Variants in IL6R observed in about 807,000 individuals in gnomAD.
The protein encoded by IL6R is interleukin 6 receptor.
A neutral mutation model predicts 48.3 loss-of-function variants in IL6R; 38 were observed. The ratio of observed to expected loss-of-function variants is 0.79; its 90% CI spans 0.61 to 1.03. The LOEUF is 1.03. Among genes scored for constraint, IL6R ranks in the 50% least tolerant of loss-of-function variants. The probability of loss-of-function intolerance (pLI) is 0.00; values close to 1 mark genes in which losing one functional copy is unlikely to be tolerated. For synonymous variants in IL6R, 264 were observed against 256.2 expected (o/e 1.03, Z -0.29); for missense variants, 534 against 618.3 (o/e 0.86, Z 1.45).
intron 1 of IL6R, among the ~76,000 whole-genome samples, chr1:154,419,594 C>T (rs1038915759): frequency 1.3e-5 from 2 of 152,094 alleles, no homozygotes; most frequent in South Asian, 2.1e-4. Flanking sequence ...GCCTGGGCAG[C>T]GGGGACCTGC....
rs142983709 is a variant in IL6R at position 154,452,832 on chromosome 1, G to C, written c.1067-1656G>C. Among the ~76,000 whole-genome samples, 369 of 151,472 alleles carry C rather than the reference G, an allele frequency of 2.4e-3. 1 individual carries two copies. Among genetic ancestry groups the C allele is most frequent in the African/African-American group, 8.6e-3 (354 of 41,320 alleles). On this transcript the variant is annotated intron_variant, in intron 8 of 9. Transcript: ENST00000368485. ...TCTCAAAAAAAAAAAAAATTCATTTGTCTGTCTCCCTTGATTGGATGTAAG... is the reference window on the plus strand; with the variant it reads ...TCTCAAAAAAAAAAAAAATTCATTTCTCTGTCTCCCTTGATTGGATGTAAG...
chr1:154,449,973 C>G lies in IL6R; in HGVS notation c.1059C>G (p.Ser353Arg), dbSNP rs1208400376. 1 of 1,602,360 alleles carries G rather than the reference C, an allele frequency of 6.2e-7. No homozygotes were observed. The highest frequency in any genetic ancestry group is 8.6e-7 in the Non-Finnish European group (1 of 1,169,424). Residue 353 changes from serine to arginine, a missense_variant, in exon 8 of 10, where the codon AGC (serine) becomes AGG (arginine). Transcript: ENST00000368485. ...ILFRDSANAT[S>R]LPVQDSSSVP... The stretch of plus-strand genomic sequence containing the variant: ...TCAGAGATTCTGCAAATGCGACAAG[C>G]CTCCCAGGTAAGGACTGGGTATTTT...
rs551356770 is a variant in IL6R at position 154,460,865 on chromosome 1, A to G, written c.1161-4269A>G. On this transcript the variant is annotated intron_variant, in intron 9 of 9. Transcript: ENST00000368485. The stretch of plus-strand genomic sequence containing the variant: ...GTGTGGAGACGAGAGATTGTAATAA[A>G]TAAAGACACAAGACAAAGAGATAAA... 2.6e-5 allele frequency among the ~76,000 whole-genome samples: 4 copies of G among 152,312 alleles called. No homozygotes were observed. In the South Asian group the frequency reaches 8.3e-4, roughly 32 times the overall value.
intron 1 of IL6R, among the ~76,000 whole-genome samples, chr1:154,422,113 A>G (rs1434524808): frequency 1.3e-5 from 2 of 151,556 alleles, no homozygotes; most frequent in African/African-American, 4.9e-5. Flanking sequence ...CGCCCGGCTA[A>G]TTTTGTATTT....
chr1:154,442,788 CT>C (rs10539207), intron 6 of IL6R, among the ~76,000 whole-genome samples: 59,648 of 137,178 alleles, frequency 0.43, 12,107 homozygotes, highest in Admixed American at 0.54. Flanking sequence ...TCATTTTCTT[CT>C]TTTTTTTTTT....
Position 154,405,782 on chromosome 1 carries a change from G to A in IL6R, c.85+68G>A. The A allele has an allele frequency of 8.5e-7, 1 of 1,172,098 alleles. No homozygotes were observed. The highest frequency in any genetic ancestry group is 1.7e-5 in the South Asian group (1 of 59,978). The allele number at this position is 1,172,098 out of a possible 1,614,324, so 72.6% of individuals were successfully genotyped here. On this transcript the variant is annotated intron_variant, in intron 1 of 9. Coordinates refer to ENST00000368485, the MANE Select transcript of IL6R (RefSeq NM_000565.4). The surrounding 1 kb of genome is among the most constrained non-coding windows in gnomAD (Gnocchi z 5.2). ...GCTGGGGGAAACCGCCTTGGTCACC[G>A]CAGTCTGTGGGAGGCTGGAGGGAGG...
chr1:154,432,439 T>A (rs569891529), intron 3 of IL6R, among the ~76,000 whole-genome samples: 9 of 150,796 alleles, frequency 6.0e-5, no homozygotes, highest in African/African-American at 2.2e-4. Context: ...CTCACTGCAA[T>A]CTCCGCCTCC....
At chr1:154,406,173 C>T (rs984397699) in intron 1 of IL6R, among the ~76,000 whole-genome samples, 3 of 152,208 alleles carry the variant, frequency 2.0e-5, no homozygotes, top group Non-Finnish European at 4.4e-5. Flanking sequence ...GTCCACCTCG[C>T]CTGGTCCTCC....
chr1:154,438,834 G>T lies in IL6R; in HGVS notation c.949+2724G>T, dbSNP rs113163309. ...ATATGAAGTGCCGGCTTCCATCTTT[G>T]TTGGCACTTTCCTTGTTCATCAAGG... On this transcript the variant is annotated intron_variant, in intron 6 of 9. Coordinates refer to ENST00000368485, the MANE Select transcript of IL6R (RefSeq NM_000565.4). Among the ~76,000 whole-genome samples, 632 of 152,270 alleles carry T rather than the reference G, an allele frequency of 4.2e-3. 8 individuals carry two copies. The highest frequency in any genetic ancestry group is 0.014 in the African/African-American group (590 of 41,560).
At chr1:154,439,762 C>A (rs183986341) in intron 6 of IL6R, among the ~76,000 whole-genome samples, 1 of 152,318 alleles carries the variant, frequency 6.6e-6, no homozygotes, top group African/African-American at 2.4e-5. Context: ...CCCACTCCTT[C>A]CCCCAGCTCG....
At chr1:154,448,962 T>C (rs12404927) in intron 7 of IL6R, among the ~76,000 whole-genome samples, 82,499 of 140,144 alleles carry the variant, frequency 0.59, 24,969 homozygotes, top group African/African-American at 0.69. Context: ...GGCGCAATCT[T>C]GGCTCACTGC....
At position 154,469,058 on chromosome 1, in the gene IL6R, C is replaced by G. The variant is rs1050784157; in HGVS notation, c.*3678C>G. ...TGAAGGCCTCCTGTCCTCCGTGCGGCTGGGCACCAGCACCAGGGAGTTTCT... is the reference window on the plus strand; with the variant it reads ...TGAAGGCCTCCTGTCCTCCGTGCGGGTGGGCACCAGCACCAGGGAGTTTCT... On this transcript the variant is annotated 3_prime_UTR_variant, in exon 10 of 10. Coordinates refer to ENST00000368485, the MANE Select transcript of IL6R (RefSeq NM_000565.4). 2.0e-5 allele frequency: 3 copies of G among 152,250 alleles called. No homozygotes were observed. The highest frequency in any genetic ancestry group is 2.9e-5 in the Non-Finnish European group (2 of 68,056). The allele number at this position is 152,250 out of a possible 1,614,324, so 9.4% of individuals were successfully genotyped here. A position where few individuals can be genotyped will look rare whatever the true frequency, so the allele number is the denominator to read the frequency against.
chr1:154,409,572 T>C (rs1319638300), intron 1 of IL6R, among the ~76,000 whole-genome samples: 1 of 152,202 alleles, frequency 6.6e-6, no homozygotes, highest in Non-Finnish European at 1.5e-5. Context: ...AAGTAAGGTA[T>C]TAAATAGAGT....
chr1:154,446,847 T>C (rs1014945596), intron 6 of IL6R, among the ~76,000 whole-genome samples: 4 of 152,372 alleles, frequency 2.6e-5, no homozygotes, highest in African/African-American at 9.6e-5. Context: ...TGCAAATATA[T>C]AGTATTATGA....
At chr1:154,409,676 C>A (rs1363753085) in intron 1 of IL6R, among the ~76,000 whole-genome samples, 3 of 152,104 alleles carry the variant, frequency 2.0e-5, no homozygotes, top group Non-Finnish European at 4.4e-5. Flanking sequence ...TGAACACCTC[C>A]TACTCTGTTC....
At position 154,405,857 on chromosome 1, in the gene IL6R, G is replaced by A. The variant is rs1319118478; in HGVS notation, c.85+143G>A. 7.6e-6 allele frequency: 5 copies of A among 653,752 alleles called. No homozygotes were observed. Among genetic ancestry groups the A allele is most frequent in the Non-Finnish European group, 1.2e-5 (5 of 402,512 alleles). The allele number at this position is 653,752 out of a possible 1,614,324, so 40.5% of individuals were successfully genotyped here. On this transcript the variant is annotated intron_variant, in intron 1 of 9. Transcript: ENST00000368485. This position sits in a 1 kb window ranked among gnomAD's most constrained non-coding sequence, Gnocchi z 5.2. ...TTCTGTGGCTGCCTTGAGGCCCCGC[G>A]GGTACCTAGCTGTGTGGTCGCGGGT...
rs142365714 is a variant in IL6R at position 154,429,377 on chromosome 1, C to A, written c.267C>A (p.His89Gln). 1.2e-6 allele frequency: 2 copies of A among 1,614,072 alleles called. No homozygotes were observed. The highest frequency in any genetic ancestry group is 1.7e-6 in the Non-Finnish European group (2 of 1,179,986). Residue 89 changes from histidine (H) to glutamine (Q), a missense_variant, in exon 2 of 10, where the codon CAC becomes CAA. By Grantham distance (24) the His-to-Gln change is conservative. Transcript: ENST00000368485. ...RRLLLRSVQL[H>Q]DSGNYSCYRA... ...TGCTGCTGAGGTCGGTGCAGCTCCACGACTCTGGAAACTATTCATGCTACC... is the reference window on the plus strand; with the variant it reads ...TGCTGCTGAGGTCGGTGCAGCTCCAAGACTCTGGAAACTATTCATGCTACC...
At chr1:154,427,247 T>A (rs1689027453) in intron 1 of IL6R, among the ~76,000 whole-genome samples, 2 of 152,170 alleles carry the variant, frequency 1.3e-5, no homozygotes, top group Non-Finnish European at 2.9e-5. Flanking sequence ...GACAGTACTG[T>A]GTGCTGTGTC....
intron 1 of IL6R, among the ~76,000 whole-genome samples, chr1:154,424,886 C>T (rs1435448890): frequency 6.6e-6 from 1 of 152,122 alleles, no homozygotes; most frequent in African/African-American, 2.4e-5. Context: ...CTCATGCCTC[C>T]AACAACCGAG....
Sources: gnomAD v4.1 joint callset for allele counts (sites outside exome capture counted in the v4.1 genomes callset) on GRCh38, gnomAD v4.1.1 for gene constraint, Gnocchi (gnomAD v3.1) non-coding constraint, MANE v1.5 for transcripts, NCBI Gene and HGNC (gene_info 2026-07-23, HGNC 2026-07-21) for gene names.